GRID2: variants seen among roughly 807,000 people sequenced by gnomAD.
GRID2 encodes glutamate receptor ionotropic, delta-2.
In GRID2, 33 loss-of-function variants were observed where a neutral mutation model predicts 114.8. The ratio of observed to expected loss-of-function variants is 0.29; its 90% CI spans 0.22 to 0.38. The LOEUF is 0.38. Ranked by LOEUF, GRID2 falls within the 10% of genes least tolerant of loss-of-function variation. The probability of loss-of-function intolerance (pLI) is 1.00; values close to 1 mark genes in which losing one functional copy is unlikely to be tolerated. For synonymous variants in GRID2, 505 were observed against 449.9 expected, an observed-to-expected ratio of 1.12 and a Z score of -1.55; for missense variants, 1,184 against 1,257.7, an observed-to-expected ratio of 0.94 and a Z score of 0.89.
At chr4:92,677,980 C>T (rs1733461029) in intron 2 of GRID2, among the ~76,000 whole-genome samples, 2 of 152,180 alleles carry the variant, frequency 1.3e-5, no homozygotes, top group African/African-American at 2.4e-5. Context: ...GTCACTCCAC[C>T]CATGCCACAT....
At chr4:92,833,198 A>G (rs1039938880) in intron 2 of GRID2, among the ~76,000 whole-genome samples, 2 of 152,220 alleles carry the variant, frequency 1.3e-5, no homozygotes, top group African/African-American at 2.4e-5. Flanking sequence ...TAGACTGTCA[A>G]CATACTTCCA....
intron 1 of GRID2, among the ~76,000 whole-genome samples, chr4:92,410,288 A>G (rs900227072): frequency 6.6e-6 from 1 of 152,188 alleles, no homozygotes; most frequent in African/African-American, 2.4e-5. Context: ...GTGTTACACT[A>G]CATTTGTTGA....
intron 9 of GRID2, among the ~76,000 whole-genome samples, chr4:93,398,149 A>ATATATATATATATATATATC (rs1560579261): frequency 6.9e-6 from 1 of 145,318 alleles, no homozygotes; most frequent in African/African-American, 2.7e-5. Context: ...ATATATATAT[A>ATATATATATATATATATATC]TATCTTATCA....
intron 2 of GRID2, among the ~76,000 whole-genome samples, chr4:92,676,939 C>T (rs1216559891): frequency 4.6e-5 from 7 of 152,140 alleles, no homozygotes; most frequent in South Asian, 2.1e-4. Context: ...TATTATCCAG[C>T]TTAAAAAGTG....
chr4:93,118,705 T>C (rs868266945), intron 4 of GRID2, among the ~76,000 whole-genome samples: 19 of 152,144 alleles, frequency 1.2e-4, no homozygotes, highest in South Asian at 6.2e-4. Context: ...GATTATATGA[T>C]AGAAAGGCAA....
At chr4:92,949,770 A>T (rs1382174986) in intron 2 of GRID2, among the ~76,000 whole-genome samples, 5 of 151,870 alleles carry the variant, frequency 3.3e-5, no homozygotes, top group Non-Finnish European at 1.5e-5. Context: ...AACTGAACTG[A>T]TGTTAGTGTA....
chr4:92,401,487 GT>G (rs1477416103), intron 1 of GRID2, among the ~76,000 whole-genome samples: 1 of 152,034 alleles, frequency 6.6e-6, no homozygotes, highest in East Asian at 1.9e-4. Flanking sequence ...CATGGGTTTA[GT>G]TTTAGACCAC....
chr4:93,270,827 C>G (rs1362889753), intron 8 of GRID2, among the ~76,000 whole-genome samples: 1 of 152,056 alleles, frequency 6.6e-6, no homozygotes, highest in East Asian at 1.9e-4. Flanking sequence ...CAGGGTTTTA[C>G]CATGTTGGCC....
intron 1 of GRID2, among the ~76,000 whole-genome samples, chr4:92,308,924 G>A (rs1725557099): frequency 6.6e-6 from 1 of 151,908 alleles, no homozygotes; most frequent in Non-Finnish European, 1.5e-5. Flanking sequence ...AAGGGACTTG[G>A]CTTTACTATT....
chr4:92,620,881 A>G (rs2149238146), intron 2 of GRID2, among the ~76,000 whole-genome samples: 1 of 151,448 alleles, frequency 6.6e-6, no homozygotes, highest in South Asian at 2.1e-4. Context: ...AACATGACAC[A>G]TGTATACATA....
At chr4:92,456,606 G>A (rs1428933232) in intron 1 of GRID2, among the ~76,000 whole-genome samples, 3 of 152,068 alleles carry the variant, frequency 2.0e-5, no homozygotes, top group Non-Finnish European at 4.4e-5. Flanking sequence ...TATGTGTGAG[G>A]TGTGGCTTTA....
At chr4:93,603,959 G>A (rs528362977) in intron 13 of GRID2, among the ~76,000 whole-genome samples, 55 of 152,250 alleles carry the variant, frequency 3.6e-4, no homozygotes, top group African/African-American at 1.3e-3. Flanking sequence ...CTCCGATGGG[G>A]ATGTACAAGG....
chr4:92,905,695 A>G (rs1418381923), intron 2 of GRID2, among the ~76,000 whole-genome samples: 1 of 148,472 alleles, frequency 6.7e-6, no homozygotes, highest in Non-Finnish European at 1.5e-5. Context: ...TGGGGCTAGA[A>G]GCTCCAATAT....
At chr4:92,972,536 T>C (rs1753587724) in intron 2 of GRID2, among the ~76,000 whole-genome samples, 1 of 152,132 alleles carries the variant, frequency 6.6e-6, no homozygotes, top group Admixed American at 6.6e-5. Flanking sequence ...AAGTGTACTA[T>C]GATCCTAGTA....
chr4:92,843,104 G>A (rs1743034009), intron 2 of GRID2, among the ~76,000 whole-genome samples: 1 of 151,920 alleles, frequency 6.6e-6, no homozygotes, highest in Admixed American at 6.6e-5. Flanking sequence ...ATACCCAGGA[G>A]GGGTAACACA....
chr4:93,101,198 T>C (rs1731672810), intron 3 of GRID2, among the ~76,000 whole-genome samples: 1 of 152,128 alleles, frequency 6.6e-6, no homozygotes, highest in Admixed American at 6.6e-5. Context: ...ATATGATAAT[T>C]TGATAAATTC....
intron 2 of GRID2, among the ~76,000 whole-genome samples, chr4:92,599,892 C>T (rs1279859998): frequency 6.6e-6 from 1 of 150,958 alleles, no homozygotes; most frequent in Non-Finnish European, 1.5e-5. Context: ...GGGCCTGGTG[C>T]CATACACCTG....
At chr4:93,678,179 G>A (rs1252256785) in intron 14 of GRID2, among the ~76,000 whole-genome samples, 1 of 152,124 alleles carries the variant, frequency 6.6e-6, no homozygotes, top group African/African-American at 2.4e-5. Context: ...GGGTATCAGT[G>A]ATGGAAGATG....
intron 4 of GRID2, among the ~76,000 whole-genome samples, chr4:93,137,134 G>A (rs943776222): frequency 1.3e-5 from 2 of 152,106 alleles, no homozygotes; most frequent in Non-Finnish European, 2.9e-5. Context: ...TGTTACTCTT[G>A]TAGCCAGTTG....
Sources: allele counts gnomAD v4.1 joint callset (sites outside exome capture counted in the v4.1 genomes callset), GRCh38; gene constraint gnomAD v4.1.1; transcripts MANE v1.5; gene names NCBI Gene and HGNC (gene_info 2026-07-23, HGNC 2026-07-21).